Variants in KCNJ10 observed in about 807,000 individuals in gnomAD.
KCNJ10 encodes potassium inwardly rectifying channel subfamily J member 10, also known as ATP-sensitive inward rectifier potassium channel 10.
In KCNJ10, 9 loss-of-function variants were observed where a neutral mutation model predicts 22.2. The observed-to-expected ratio is 0.40, with a 90% CI of 0.24 to 0.71. The LOEUF is 0.71. Ranked by LOEUF, KCNJ10 falls within the 30% of genes least tolerant of loss-of-function variation. The probability of loss-of-function intolerance (pLI) is 0.35; values close to 1 mark genes in which losing one functional copy is unlikely to be tolerated. For missense variants in KCNJ10, 337 were observed against 482.7 expected, an observed-to-expected ratio of 0.70 and a Z score of 2.83; for synonymous variants, 184 against 187.3, an observed-to-expected ratio of 0.98 and a Z score of 0.15.
intron 1 of KCNJ10, chr1:160,064,762 GAGA>G (rs576434574): frequency 1.2e-4 from 18 of 152,400 alleles, no homozygotes; most frequent in African/African-American, 3.8e-4. Flanking sequence ...TAGACACGTG[GAGA>G]AGGAGTGTGC....
chr1:160,062,029 G>T (rs977321348), intron 1 of KCNJ10, among the ~76,000 whole-genome samples: 1 of 151,914 alleles, frequency 6.6e-6, no homozygotes, highest in African/African-American at 2.4e-5. Context: ...GGCTCTGAGT[G>T]CCCCTTCCCC....
At chr1:160,051,303 G>A (rs890355720) in intron 1 of KCNJ10, among the ~76,000 whole-genome samples, 7 of 152,038 alleles carry the variant, frequency 4.6e-5, no homozygotes, top group Non-Finnish European at 1.0e-4. Context: ...GCAAATGTTT[G>A]GTTCAGGGAC....
chr1:160,068,456 AC>A (rs1205264256), intron 1 of KCNJ10, among the ~76,000 whole-genome samples: 1 of 151,712 alleles, frequency 6.6e-6, no homozygotes, highest in African/African-American at 2.4e-5. Flanking sequence ...ACCCCCCAAC[AC>A]CCTCTCCCTC....
intron 1 of KCNJ10, among the ~76,000 whole-genome samples, chr1:160,047,245 A>G (rs1222581830): frequency 6.6e-6 from 1 of 152,208 alleles, no homozygotes; most frequent in Non-Finnish European, 1.5e-5. Flanking sequence ...GTGACTCTCA[A>G]TAACTTGATC....
intron 1 of KCNJ10, among the ~76,000 whole-genome samples, chr1:160,061,731 C>T (rs1333486287): frequency 5.6e-5 from 3 of 53,650 alleles, no homozygotes; most frequent in African/African-American, 1.6e-4. Flanking sequence ...TGCCTGCGGC[C>T]GTGGAGGGGG....
At chr1:160,057,346 A>G (rs986899057) in intron 1 of KCNJ10, among the ~76,000 whole-genome samples, 14 of 152,174 alleles carry the variant, frequency 9.2e-5, no homozygotes. Flanking sequence ...TCCACACCCC[A>G]GTGGCCTTGA....
intron 1 of KCNJ10, chr1:160,044,680 T>C (rs1183616804): frequency 6.6e-6 from 1 of 152,186 alleles, no homozygotes; most frequent in Non-Finnish European, 1.5e-5. Flanking sequence ...AAGTTATCAA[T>C]AGGACCCAGT....
chr1:160,067,637 G>A (rs895869975), intron 1 of KCNJ10, among the ~76,000 whole-genome samples: 2 of 152,198 alleles, frequency 1.3e-5, no homozygotes, highest in Admixed American at 1.3e-4. Context: ...AGGCCGAGGA[G>A]GGGAGGGAGA....
At position 160,042,390 on chromosome 1, in the gene KCNJ10, C is replaced by T. The variant is rs201907875; in HGVS notation, c.143G>A (p.Arg48His). The change falls in exon 2 of 2, where the codon CGC (arginine) becomes CAC (histidine). Residue 48 changes from arginine (R) to histidine (H), a missense_variant. Around this residue, in one of 3 missense-constraint regions of KCNJ10, gnomAD observed 107 missense variants for 135.2 expected, o/e 0.79. Coordinates refer to ENST00000644903, the MANE Select transcript of KCNJ10 (RefSeq NM_002241.5). ...NVRMEHIADKRFLYLKDLWTT... is the reference protein window; with the variant it reads ...NVRMEHIADKHFLYLKDLWTT... ...CCACAGGTCCTTGAGGTAGAGGAAG[C>T]GCTTGTCGGCAATGTGCTCCATTCT... 1.1e-5 allele frequency: 17 copies of T among 1,614,138 alleles called. No homozygotes were observed. The highest frequency in any genetic ancestry group is 2.2e-5 in the East Asian group (1 of 44,870).
At chr1:160,045,788 A>T (rs1019151806) in intron 1 of KCNJ10, among the ~76,000 whole-genome samples, 1 of 152,232 alleles carries the variant, frequency 6.6e-6, no homozygotes, top group Non-Finnish European at 1.5e-5. Flanking sequence ...GAGAAGAGAC[A>T]ATCAGAAAGA....
At chr1:160,067,609 C>G (rs532070715) in intron 1 of KCNJ10, among the ~76,000 whole-genome samples, 1 of 152,194 alleles carries the variant, frequency 6.6e-6, no homozygotes, top group Non-Finnish European at 1.5e-5. Context: ...ACTGACCAGT[C>G]AGGCAAGAGA....
At chr1:160,045,996 G>C (rs1648734001) in intron 1 of KCNJ10, among the ~76,000 whole-genome samples, 1 of 152,220 alleles carries the variant, frequency 6.6e-6, no homozygotes, top group Non-Finnish European at 1.5e-5. Flanking sequence ...CTATGGCGGA[G>C]ATAAAAGCTT....
Position 160,041,925 on chromosome 1 carries a change from A to G in KCNJ10, c.608T>C (p.Met203Thr). The G allele has an allele frequency of 2.5e-6, 4 of 1,613,594 alleles. No homozygotes were observed. Among genetic ancestry groups the G allele is most frequent in the Non-Finnish European group, 3.4e-6 (4 of 1,179,574 alleles). Residue 203 changes from methionine to threonine, a missense_variant, in exon 2 of 2, where the codon ATG becomes ACG. Physicochemically the swap from Met to Thr is moderately conservative, Grantham distance 81. Coordinates refer to ENST00000644903, the MANE Select transcript of KCNJ10 (RefSeq NM_002241.5). The surrounding 1 kb of genome is among the most constrained non-coding windows in gnomAD (Gnocchi z 4.4). ...GCAGCCAATGAGGAGGCTTTTGCGC[A>G]TATTGGCAACTCGGATCATGAGGCA... Reference protein sequence around the residue: ...KPCLMIRVANMRKSLLIGCQV... With the variant: ...KPCLMIRVANTRKSLLIGCQV...
chr1:160,049,109 G>A (rs573232033), intron 1 of KCNJ10, among the ~76,000 whole-genome samples: 3 of 152,300 alleles, frequency 2.0e-5, no homozygotes, highest in African/African-American at 4.8e-5. Flanking sequence ...GTGTGACTCA[G>A]TAAACTGTGG....
intron 1 of KCNJ10, among the ~76,000 whole-genome samples, chr1:160,053,606 C>A (rs1488022635): frequency 2.2e-5 from 1 of 45,908 alleles, no homozygotes; most frequent in Non-Finnish European, 4.2e-5. Flanking sequence ...AAAAAGAGGG[C>A]AGTGTGTGTG....
intron 1 of KCNJ10, among the ~76,000 whole-genome samples, chr1:160,065,596 A>C (rs1162911022): frequency 6.6e-6 from 1 of 152,138 alleles, no homozygotes; most frequent in East Asian, 1.9e-4. Context: ...GAGACTTGGA[A>C]TGGCCTTTGT....
At position 160,041,107 on chromosome 1, in the gene KCNJ10, T is replaced by G. The variant is rs1310468878; in HGVS notation, c.*286A>C. 1 of 494,514 alleles carries G rather than the reference T, an allele frequency of 2.0e-6. No individual in the cohort carries two copies. Among genetic ancestry groups the G allele is most frequent in the Non-Finnish European group, 3.7e-6 (1 of 270,440 alleles). The allele number at this position is 494,514 out of a possible 1,614,324, so 30.6% of individuals were successfully genotyped here. On this transcript the variant is annotated 3_prime_UTR_variant, in exon 2 of 2. Coordinates refer to ENST00000644903, the MANE Select transcript of KCNJ10 (RefSeq NM_002241.5). The surrounding 1 kb of genome is among the most constrained non-coding windows in gnomAD (Gnocchi z 4.4). The stretch of plus-strand genomic sequence containing the variant: ...TCCTCCTAATGTGAGTATCCAAGCA[T>G]GGCTGAGGCCTTCTAAGCCACTTCA...
At chr1:160,068,398 C>G (rs1649376236) in intron 1 of KCNJ10, among the ~76,000 whole-genome samples, 1 of 152,118 alleles carries the variant, frequency 6.6e-6, no homozygotes, top group South Asian at 2.1e-4. Flanking sequence ...CAGCTCCTTT[C>G]AGGACCCAGG....
intron 1 of KCNJ10, among the ~76,000 whole-genome samples, chr1:160,058,499 G>A (rs1649100126): frequency 6.6e-6 from 1 of 152,228 alleles, no homozygotes; most frequent in African/African-American, 2.4e-5. Flanking sequence ...GCCAAAACTT[G>A]TCCAGAGGCA....
Sources: allele counts gnomAD v4.1 joint callset (sites outside exome capture counted in the v4.1 genomes callset), GRCh38; gene constraint gnomAD v4.1.1; regional missense constraint gnomAD v4.1.1; non-coding constraint Gnocchi (gnomAD v3.1); transcripts MANE v1.5; gene names NCBI Gene and HGNC (gene_info 2026-07-23, HGNC 2026-07-21).